The following XKR5 variants were observed in gnomAD, a reference collection of about 807,000 sequenced individuals.
XKR5 encodes XK related 5.
Under a neutral mutation model 40.8 loss-of-function variants are expected in XKR5, and 46 were observed. The observed-to-expected ratio is 1.13, with a 90% CI of 0.89 to 1.44. The LOEUF (loss-of-function observed/expected upper bound fraction) is 1.44. Ranked by LOEUF, XKR5 falls within the 40% of genes most tolerant of loss-of-function variation. The pLI is 0.00. For missense variants in XKR5, 1,169 were observed against 844.7 expected, an observed-to-expected ratio of 1.38 and a Z score of -4.76; for synonymous variants, 466 against 356.1, an observed-to-expected ratio of 1.31 and a Z score of -3.48.
intron 2 of XKR5, among the ~76,000 whole-genome samples, chr8:6,831,164 T>A (rs1804746880): frequency 6.6e-6 from 1 of 152,172 alleles, no homozygotes; most frequent in African/African-American, 2.4e-5. Flanking sequence ...CCCAGAGCCC[T>A]TAAGGATTGA....
intron 2 of XKR5, among the ~76,000 whole-genome samples, chr8:6,828,487 C>T (rs997314175): frequency 9.2e-5 from 14 of 152,302 alleles, no homozygotes; most frequent in East Asian, 3.9e-4. Context: ...TTTTCTGAAA[C>T]GAGCTGTCTC....
At position 6,808,839 on chromosome 8, in the gene XKR5, C is replaced by A. The variant is rs1000179128; in HGVS notation, c.*2359G>T. 1.3e-5 allele frequency: 2 copies of A among 152,194 alleles called. No individual in the cohort carries two copies. The highest frequency in any genetic ancestry group is 6.5e-5 in the Admixed American group (1 of 15,280). The allele number at this position is 152,194 out of a possible 1,614,324, so 9.4% of individuals were successfully genotyped here. A position where few individuals can be genotyped will look rare whatever the true frequency, so the allele number is the denominator to read the frequency against. On this transcript the variant is annotated 3_prime_UTR_variant, in exon 7 of 7. Coordinates refer to ENST00000618742, the MANE Select transcript of XKR5 (RefSeq NM_207411.5). ...TCCCACCCTTACTTTTACCCCATAA[C>A]ACAAATGCCGTTGATCCAGGATATG...
rs562773881 is a variant in XKR5 at position 6,814,409 on chromosome 8, G to A, written c.919+1398C>T. Among the ~76,000 whole-genome samples the A allele has an allele frequency of 5.9e-5, 9 of 152,226 alleles. No homozygotes were observed. In the East Asian group the frequency reaches 1.4e-3, roughly 23 times the overall value. ...ACACACTGTGTGGTACTTTCACAAC[G>A]CATTCTCCAAGTGATAGAATAATAG... is the stretch of plus-strand genomic sequence containing the variant. On this transcript the variant is annotated intron_variant, in intron 6 of 6. Coordinates refer to ENST00000618742, the MANE Select transcript of XKR5 (RefSeq NM_207411.5).
intron 6 of XKR5, among the ~76,000 whole-genome samples, chr8:6,815,284 C>T (rs374602336): frequency 6.6e-6 from 1 of 152,210 alleles, no homozygotes; most frequent in African/African-American, 2.4e-5. Context: ...TAAAACACGG[C>T]TGATGACAGT....
Position 6,822,612 on chromosome 8 carries a change from C to A in XKR5, c.638-574G>T, listed in dbSNP as rs559723948. ...ACTGTATTCAATGTTTGCTCTAGGC[C>A]CAAGGGGCAAATATTTCTTAATGTC... On this transcript the variant is annotated intron_variant, in intron 4 of 6. Transcript: ENST00000618742. 2.0e-5 allele frequency among the ~76,000 whole-genome samples: 3 copies of A among 152,104 alleles called. No individual in the cohort carries two copies. The South Asian group carries it at 6.3e-4, about 32-fold the overall frequency.
At chr8:6,828,438 G>T (rs1354928364) in intron 2 of XKR5, among the ~76,000 whole-genome samples, 1 of 152,208 alleles carries the variant, frequency 6.6e-6, no homozygotes, top group Admixed American at 6.5e-5. Context: ...GGCTACTCTT[G>T]TAAGAAACAG....
intron 2 of XKR5, among the ~76,000 whole-genome samples, chr8:6,832,467 G>C (rs1276134727): frequency 4.6e-5 from 7 of 152,292 alleles, no homozygotes; most frequent in Non-Finnish European, 1.0e-4. Context: ...TTCATCTGAA[G>C]ACAAGAAAAA....
At position 6,811,849 on chromosome 8, in the gene XKR5, C is replaced by CAGCGTTT; in HGVS notation, c.1409_1410insAAACGCT (p.Phe471AsnfsTer4). On this transcript the variant is annotated frameshift_variant, in exon 7 of 7. Transcript: ENST00000618742. LOFTEE classifies it low-confidence loss of function (END_TRUNC). Reference sequence around the variant, plus strand: ...CCTCTGCTTTAGGGACACCTTCAAACGCAGAGCTGTTCTCTAAGGTTGAGG... The same window carrying CAGCGTTT: ...CCTCTGCTTTAGGGACACCTTCAAACAGCGTTTGCAGAGCTGTTCTCTAAGGTTGAGG... 6.5e-7 allele frequency: 1 copy of CAGCGTTT among 1,537,610 alleles called. No homozygotes were observed. Among genetic ancestry groups the CAGCGTTT allele is most frequent in the Non-Finnish European group, 8.7e-7 (1 of 1,146,994 alleles).
At position 6,811,251 on chromosome 8, in the gene XKR5, T is replaced by C. The variant is rs1384520857; in HGVS notation, c.2008A>G (p.Thr670Ala). 2.6e-6 allele frequency: 4 copies of C among 1,537,250 alleles called. No homozygotes were observed. Among genetic ancestry groups the C allele is most frequent in the Non-Finnish European group, 3.5e-6 (4 of 1,146,914 alleles). ...TSTPKSESIQ[T>A]DCSCREQMKQ... ...ATCTGTTCCCTGCAGCTGCAGTCCG[T>C]TTGGATAGACTCAGACTTAGGGGTG... Residue 670 changes from threonine to alanine, a missense_variant, in exon 7 of 7, where the codon ACG becomes GCG. Transcript: ENST00000618742.
At position 6,811,060 on chromosome 8, in the gene XKR5, C is replaced by T. The variant is rs935181767; in HGVS notation, c.*138G>A. The T allele has an allele frequency of 6.7e-6, 6 of 897,102 alleles. No homozygotes were observed. Among genetic ancestry groups the T allele is most frequent in the Admixed American group, 5.9e-5 (2 of 33,616 alleles). The allele number at this position is 897,102 out of a possible 1,614,324, so 55.6% of individuals were successfully genotyped here. On this transcript the variant is annotated 3_prime_UTR_variant, in exon 7 of 7. Transcript: ENST00000618742. ...CATCCAGCCCTGTTTCTTCATTTTT[C>T]AGGGATGCAGATGGAGATTCAGAGG...
chr8:6,816,937 T>C (rs1027930855), intron 5 of XKR5, among the ~76,000 whole-genome samples: 1 of 152,132 alleles, frequency 6.6e-6, no homozygotes, highest in Non-Finnish European at 1.5e-5. Flanking sequence ...CCTATGAACA[T>C]CCATTCTCCC....
Position 6,825,217 on chromosome 8 carries a change from C to A in XKR5, c.375G>T (p.Leu125=), listed in dbSNP as rs766979048. The change falls in exon 3 of 7, where the codon CTG becomes CTT. Residue 125 remains leucine, a synonymous_variant. Transcript: ENST00000618742. ...CTAGAAAAACATATGTCTGAAGCAG[C>A]AGGTGGGGCCCAGTCTGCAGCAGGG... ...LEALLQTGPH[L]LLQTYVFLAS... The A allele has an allele frequency of 5.0e-6, 8 of 1,613,096 alleles. No homozygotes were observed. Among genetic ancestry groups the A allele is most frequent in the Non-Finnish European group, 6.8e-6 (8 of 1,179,602 alleles).
At chr8:6,822,130 G>A (rs1037908112) in intron 4 of XKR5, 92 bp from the exon 5 acceptor site, 8 of 1,248,366 alleles carry the variant, frequency 6.4e-6, no homozygotes, top group Middle Eastern at 2.7e-4. Context: ...AAGGCTCTCC[G>A]ACCACATTTG....
chr8:6,828,452 A>G (rs1417136389), intron 2 of XKR5, among the ~76,000 whole-genome samples: 1 of 152,162 alleles, frequency 6.6e-6, no homozygotes, highest in Non-Finnish European at 1.5e-5. Flanking sequence ...GAAACAGAGG[A>G]CCAGTGGGAA....
At chr8:6,835,299 C>T (rs1250954720) in intron 1 of XKR5, 137 bp downstream of exon 1, 1 of 859,276 alleles carries the variant, frequency 1.2e-6, no homozygotes, top group Non-Finnish European at 1.6e-6. Flanking sequence ...TGGCCACCAC[C>T]GTGCGTCACC....
At chr8:6,827,637 A>G (rs1804571658) in intron 2 of XKR5, among the ~76,000 whole-genome samples, 1 of 152,242 alleles carries the variant, frequency 6.6e-6, no homozygotes, top group Non-Finnish European at 1.5e-5. Context: ...ACACTAAAAA[A>G]TGTAACCATG....
intron 2 of XKR5, among the ~76,000 whole-genome samples, chr8:6,831,945 G>A (rs1162836610): frequency 1.3e-5 from 2 of 150,716 alleles, no homozygotes; most frequent in Non-Finnish European, 2.9e-5. Flanking sequence ...AACCCAGGAG[G>A]CGGAGGTTGC....
chr8:6,815,986 G>C, intron 5 of XKR5, 68 bp from the exon 6 acceptor site: 1 of 1,242,576 alleles, frequency 8.0e-7, no homozygotes, highest in East Asian at 2.5e-5. Flanking sequence ...CCCGTCCCGT[G>C]AGTCTGCAGC....
chr8:6,832,025 A>C (rs1328858538), intron 2 of XKR5, among the ~76,000 whole-genome samples: 2 of 146,274 alleles, frequency 1.4e-5, no homozygotes, highest in Non-Finnish European at 3.0e-5. Flanking sequence ...AAAAAAAAAA[A>C]AAAAAAAAAA....
Sources: gnomAD v4.1 joint callset for allele counts (sites outside exome capture counted in the v4.1 genomes callset) on GRCh38, gnomAD v4.1.1 for gene constraint, MANE v1.5 for transcripts, NCBI Gene and HGNC (gene_info 2026-07-23, HGNC 2026-07-21) for gene names.